The following ACOT9 variants were observed in gnomAD, a reference collection of about 807,000 sequenced individuals.
ACOT9 encodes the protein acyl-coenzyme A thioesterase 9, mitochondrial.
ACOT9 carries 34 observed loss-of-function variants against 39.7 expected under a neutral mutation model. The observed-to-expected ratio is 0.86, with a 90% CI of 0.65 to 1.14. The LOEUF is 1.14. Among genes scored for constraint, ACOT9 ranks in the 50% most tolerant of loss-of-function variants. The probability of loss-of-function intolerance (pLI) is 0.00; values close to 1 mark genes in which losing one functional copy is unlikely to be tolerated. For synonymous variants in ACOT9, 110 were observed against 120.5 expected, an observed-to-expected ratio of 0.91 and a Z score of 0.57; for missense variants, 313 against 344.1, an observed-to-expected ratio of 0.91 and a Z score of 0.71.
At position 23,712,384 on chromosome X, in the gene ACOT9, A is replaced by G. The variant is rs763281319; in HGVS notation, c.662+751T>C. Among the ~76,000 whole-genome samples, 19 of 96,163 alleles carry G rather than the reference A, an allele frequency of 2.0e-4. No homozygotes were observed. In the South Asian group the frequency reaches 0.011, roughly 55 times the overall value. The allele number at this position is 96,163 out of a possible 115,157, so 83.5% of individuals were successfully genotyped here. ...CCCACCATTGCACTCCAGCCTGGGC[A>G]ACAAGAGCAAAACTCCATCTTAAAA... is the stretch of plus-strand genomic sequence containing the variant. On this transcript the variant is annotated intron_variant, in intron 9 of 15. Transcript: ENST00000379303.
chrX:23,704,737 C>G lies in ACOT9; in HGVS notation c.1215G>C (p.Met405Ile). Residue 405 changes from methionine to isoleucine, a missense_variant, in exon 15 of 16, where the codon ATG becomes ATC. Coordinates refer to ENST00000379303, the MANE Select transcript of ACOT9 (RefSeq NM_001037171.2). ...AAACCAATGGCACTTCTTTTTCCGA[C>G]ATGAACGTGAAATGAAAGACATTGG... ...TTTNVFHFTF[M>I]SEKEVPLVFP... The G allele has an allele frequency of 8.3e-7, 1 of 1,211,687 alleles. No individual in the cohort carries two copies. The highest frequency in any genetic ancestry group is 1.1e-6 in the Non-Finnish European group (1 of 895,383).
chrX:23,731,472 C>T (rs1178068523), intron 4 of ACOT9, among the ~76,000 whole-genome samples: 2 of 55,173 alleles, frequency 3.6e-5, no homozygotes, highest in Admixed American at 4.3e-4. Context: ...GCAAGACTGT[C>T]TCAAAAAAAA....
intron 8 of ACOT9, among the ~76,000 whole-genome samples, chrX:23,718,672 G>A (rs1254389224): frequency 1.9e-5 from 2 of 104,309 alleles, no homozygotes; most frequent in East Asian, 3.1e-4. Context: ...TTGGGAGGCC[G>A]AGGCAGGCGG....
intron 8 of ACOT9, among the ~76,000 whole-genome samples, chrX:23,717,322 T>A (rs904749386): frequency 2.7e-5 from 3 of 111,417 alleles, no homozygotes; most frequent in African/African-American, 9.8e-5. Flanking sequence ...AATCCAGAGA[T>A]AATGAATGGT....
At chrX:23,722,134 C>A in intron 7 of ACOT9, 150 bp from the exon 8 acceptor site, 1 of 396,077 alleles carries the variant, frequency 2.5e-6, no homozygotes, top group Non-Finnish European at 4.3e-6. Context: ...AAGAAATCTA[C>A]ATGTGTTTTT....
intron 9 of ACOT9, among the ~76,000 whole-genome samples, chrX:23,711,604 T>C (rs1178236898): frequency 2.7e-5 from 3 of 111,922 alleles, no homozygotes; most frequent in Non-Finnish European, 5.6e-5. Flanking sequence ...ATGATACTAA[T>C]TAAAGCAATG....
intron 8 of ACOT9, among the ~76,000 whole-genome samples, chrX:23,718,459 T>C (rs1049280630): frequency 1.8e-5 from 2 of 112,471 alleles, no homozygotes; most frequent in African/African-American, 6.5e-5. Flanking sequence ...GTTCCACTGG[T>C]TCTCTCTCAA....
intron 9 of ACOT9, among the ~76,000 whole-genome samples, chrX:23,708,277 C>T (rs1928769747): frequency 8.9e-6 from 1 of 112,400 alleles, no homozygotes. Context: ...GCCTGTAATC[C>T]CAGCACTTTG....
rs1218946713 is a variant in ACOT9, at chrX:23,703,243, T to C, written c.*651A>G. ...TTAGGTTTAAAGAACGTCATCCAAA[T>C]ACCCTGGCAGGAAACCTTGTATACT... On this transcript the variant is annotated 3_prime_UTR_variant, in exon 16 of 16. Transcript: ENST00000379303. 8.9e-6 allele frequency: 1 copy of C among 112,152 alleles called. No individual in the cohort carries two copies. The highest frequency in any genetic ancestry group is 1.9e-5 in the Non-Finnish European group (1 of 53,327). The allele number at this position is 112,152 out of a possible 1,213,427, so 9.2% of individuals were successfully genotyped here.
chrX:23,742,581 C>T (rs1920987527), intron 1 of ACOT9, among the ~76,000 whole-genome samples: 1 of 111,182 alleles, frequency 9.0e-6, no homozygotes, highest in Admixed American at 9.6e-5. Context: ...CTTTGCGGCT[C>T]ATTAAAGTTA....
intron 11 of ACOT9, among the ~76,000 whole-genome samples, chrX:23,706,326 G>C (rs146476170): frequency 0.014 from 1,542 of 109,291 alleles, 23 homozygotes; most frequent in African/African-American, 0.049. Flanking sequence ...TTGGGAGGTG[G>C]AGACAGGCAG....
At position 23,701,811 on chromosome X, in the gene ACOT9, T is replaced by C. The variant is rs768364922; in HGVS notation, c.*2083A>G. Among the ~76,000 whole-genome samples the C allele has an allele frequency of 5.0e-4, 56 of 111,218 alleles. No homozygotes were observed. Among genetic ancestry groups the C allele is most frequent in the African/African-American group, 1.7e-3 (51 of 30,745 alleles). The stretch of plus-strand genomic sequence containing the variant: ...TCCACCGGCCGGGTGCAGTGGCTCA[T>C]GCCTATAATCCCAGCACTTTGGGAG... On this transcript the variant is annotated 3_prime_UTR_variant, in exon 16 of 16. Transcript: ENST00000379303.
At position 23,703,123 on chromosome X, in the gene ACOT9, T is replaced by G. The variant is rs1928536458; in HGVS notation, c.*771A>C. On this transcript the variant is annotated 3_prime_UTR_variant, in exon 16 of 16. Transcript: ENST00000379303. ...TTTTGTTAAATCCCTTCGCCCCAAC[T>G]TTTCATCTACCCTCTGACAACAAAA... 1 of 111,156 alleles carries G rather than the reference T, an allele frequency of 9.0e-6. No individual in the cohort carries two copies. The highest frequency in any genetic ancestry group is 9.7e-5 in the Admixed American group (1 of 10,330). The allele number at this position is 111,156 out of a possible 1,213,427, so 9.2% of individuals were successfully genotyped here.
intron 4 of ACOT9, among the ~76,000 whole-genome samples, chrX:23,731,927 T>G (rs951816704): frequency 1.8e-5 from 2 of 111,998 alleles, no homozygotes; most frequent in Non-Finnish European, 3.8e-5. Flanking sequence ...GATAAGAACA[T>G]TAGCTAAGAT....
intron 1 of ACOT9, among the ~76,000 whole-genome samples, chrX:23,739,005 G>A (rs957900553): frequency 8.9e-6 from 1 of 111,773 alleles, no homozygotes; most frequent in Non-Finnish European, 1.9e-5. Context: ...TGCCTGTAAT[G>A]CCAACACTTT....
Position 23,704,700 on chromosome X carries a change from A to G in ACOT9, c.1252T>C (p.Tyr418His). 1 of 1,210,811 alleles carries G rather than the reference A, an allele frequency of 8.3e-7. No individual in the cohort carries two copies. The highest frequency in any genetic ancestry group is 1.1e-6 in the Non-Finnish European group (1 of 894,848). ...KEVPLVFPKT[Y>H]GESMLYLDGQ... ...AGCAATAATCACTACTTACCTCCAT[A>G]TGTTTTTGGGAAAACCAATGGCACT... The change falls in exon 15 of 16, where the codon TAT (tyrosine) becomes CAT (histidine). Residue 418 changes from tyrosine (Y) to histidine (H), a missense_variant. Transcript: ENST00000379303.
chrX:23,733,126 T>C, intron 4 of ACOT9, 46 bp downstream of exon 4: 1 of 1,160,441 alleles, frequency 8.6e-7, no homozygotes, highest in Non-Finnish European at 1.2e-6. Flanking sequence ...CAGTGTAGTA[T>C]AATACCTTGG....
At chrX:23,731,718 T>TTC (rs1285749106) in intron 4 of ACOT9, among the ~76,000 whole-genome samples, 4 of 107,959 alleles carry the variant, frequency 3.7e-5, no homozygotes, top group Non-Finnish European at 1.9e-5. Context: ...TGAGCCCCAG[T>TTC]TCTCTCTCTC....
chrX:23,706,558 CAAAAAAAAAAA>C (rs35002168), intron 11 of ACOT9, 59 bp downstream of exon 11: 29 of 260,134 alleles, frequency 1.1e-4, no homozygotes, highest in South Asian at 9.3e-4. Context: ...AACTCCGTCT[CAAAAAAAAAAA>C]AAAAAAAAAA....
Sources: allele counts gnomAD v4.1 joint callset (sites outside exome capture counted in the v4.1 genomes callset), GRCh38; gene constraint gnomAD v4.1.1; transcripts MANE v1.5; gene names NCBI Gene and HGNC (gene_info 2026-07-23, HGNC 2026-07-21).